Variants in CAPN14 observed in about 807,000 individuals in gnomAD.
CAPN14 encodes calpain-14.
CAPN14 carries 94 observed loss-of-function variants against 101.3 expected under a neutral mutation model. The observed-to-expected ratio is 0.93, with a 90% CI of 0.79 to 1.10. CAPN14 has a LOEUF of 1.10. Ranked by LOEUF, CAPN14 falls within the 50% of genes least tolerant of loss-of-function variation. The pLI is 0.00. For missense variants in CAPN14, 837 were observed against 828.4 expected (o/e 1.01, Z -0.13); for synonymous variants, 338 against 317.9 (o/e 1.06, Z -0.67).
chr2:31,203,987 T>C (rs1457274681), intron 2 of CAPN14, among the ~76,000 whole-genome samples: 1 of 152,196 alleles, frequency 6.6e-6, no homozygotes, highest in Non-Finnish European at 1.5e-5. Flanking sequence ...TGTAAAGTGA[T>C]TAATAGCTTC....
chr2:31,225,378 A>C (rs1682989938), intron 2 of CAPN14, among the ~76,000 whole-genome samples: 1 of 152,082 alleles, frequency 6.6e-6, no homozygotes, highest in Non-Finnish European at 1.5e-5. Flanking sequence ...GAGAGAAAAA[A>C]ATGTAGGAAC....
rs756964103 is a variant in CAPN14 at position 31,188,394 on chromosome 2, T to C, written c.1494-40A>G. On this transcript the variant is annotated intron_variant, in intron 13 of 21. Coordinates refer to ENST00000403897, the MANE Select transcript of CAPN14 (RefSeq NM_001145122.2). ...ACAAGAACAAACTCAGAGTTTCCTC[T>C]TGGGAATTTTTTGGCCAATCTTCCC... The C allele has an allele frequency of 4.5e-6, 7 of 1,548,844 alleles. No homozygotes were observed. In the South Asian group the frequency reaches 7.1e-5, roughly 16 times the overall value.
chr2:31,190,695 T>C (rs975525771), intron 12 of CAPN14, among the ~76,000 whole-genome samples: 1 of 152,216 alleles, frequency 6.6e-6, no homozygotes, highest in Non-Finnish European at 1.5e-5. Flanking sequence ...AATTTGAGAG[T>C]GTTCAGTATT....
upstream of CAPN14, among the ~76,000 whole-genome samples, chr2:31,220,801 G>A (rs781112739): frequency 2.6e-5 from 4 of 152,166 alleles, no homozygotes; most frequent in Non-Finnish European, 5.9e-5. Context: ...TAACTGACAA[G>A]TCATGCTATT....
intron 16 of CAPN14, 65 bp from the exon 17 acceptor site, chr2:31,181,065 A>T: frequency 7.4e-7 from 1 of 1,352,896 alleles, no homozygotes; most frequent in Non-Finnish European, 1.0e-6. Context: ...TTTTCTGAGC[A>T]GGAAGAGGCA....
intron 17 of CAPN14, among the ~76,000 whole-genome samples, chr2:31,178,780 T>C (rs1392582512): frequency 6.6e-6 from 1 of 151,920 alleles, no homozygotes; most frequent in Non-Finnish European, 1.5e-5. Flanking sequence ...AAAAACAGAA[T>C]GAGCCCAGAG....
At chr2:31,192,602 G>A (rs1193157476) in intron 10 of CAPN14, among the ~76,000 whole-genome samples, 1 of 152,134 alleles carries the variant, frequency 6.6e-6, no homozygotes. Flanking sequence ...TCTCCACAGT[G>A]GAGGAAGGGA....
chr2:31,231,193 A>C (rs1365248027), intron 1 of CAPN14, among the ~76,000 whole-genome samples: 2 of 151,294 alleles, frequency 1.3e-5, no homozygotes, highest in Non-Finnish European at 2.9e-5. Flanking sequence ...TGGAATATCT[A>C]AGCTTTTTTT....
At position 31,205,344 on chromosome 2, in the gene CAPN14, G is replaced by A; in HGVS notation, c.104C>T (p.Ala35Val). 6.4e-7 allele frequency: 1 copy of A among 1,551,350 alleles called. No individual in the cohort carries two copies. Among genetic ancestry groups the A allele is most frequent in the South Asian group, 1.2e-5 (1 of 84,034 alleles). ...GAGGCAGCCATTCCTCAGGCACTCTGCCAGCAGGGCCTCAAAGTCCTGTTG... is the reference window on the plus strand; with the variant it reads ...GAGGCAGCCATTCCTCAGGCACTCTACCAGCAGGGCCTCAAAGTCCTGTTG... ...QPQQDFEALL[A>V]ECLRNGCLFE... Residue 35 changes from alanine (A) to valine (V), a missense_variant, in exon 2 of 22, where the codon GCA becomes GTA. Coordinates refer to ENST00000403897, the MANE Select transcript of CAPN14 (RefSeq NM_001145122.2).
intron 3 of CAPN14, 122 bp downstream of exon 3, chr2:31,202,948 G>A (rs999637543): frequency 1.3e-6 from 1 of 748,884 alleles, no homozygotes; most frequent in Non-Finnish European, 2.2e-6. Context: ...CCAGTGAATA[G>A]CCATTTTGGG....
chr2:31,194,548 C>T (rs1280670760), intron 8 of CAPN14, 65 bp from the exon 9 acceptor site: 15 of 1,025,888 alleles, frequency 1.5e-5, no homozygotes, highest in East Asian at 7.8e-5. Flanking sequence ...AGTAAAGGCT[C>T]TATAGTGTCA....
intron 16 of CAPN14, among the ~76,000 whole-genome samples, chr2:31,183,827 C>T (rs1680775528): frequency 6.6e-6 from 1 of 150,910 alleles, no homozygotes; most frequent in South Asian, 2.1e-4. Flanking sequence ...TCTCTCCCTC[C>T]CTCTCTCCTT....
chr2:31,215,764 G>A (rs954975200), intron 1 of CAPN14, among the ~76,000 whole-genome samples: 4 of 150,002 alleles, frequency 2.7e-5, no homozygotes, highest in Middle Eastern at 6.8e-3. Context: ...TCTGATTAAC[G>A]CTACTCCAGA....
chr2:31,209,011 C>T (rs1682252253), intron 1 of CAPN14, among the ~76,000 whole-genome samples: 1 of 152,082 alleles, frequency 6.6e-6, no homozygotes, highest in African/African-American at 2.4e-5. Flanking sequence ...ACTCTGTCAC[C>T]CAAGCTGGAG....
At chr2:31,194,611 A>G in intron 8 of CAPN14, 128 bp from the exon 9 acceptor site, 1 of 655,736 alleles carries the variant, frequency 1.5e-6, no homozygotes, top group Non-Finnish European at 2.7e-6. Context: ...CCCATTCCAT[A>G]TTATACAGTA....
At chr2:31,195,339 T>C (rs929980237) in intron 8 of CAPN14, among the ~76,000 whole-genome samples, 1 of 152,158 alleles carries the variant, frequency 6.6e-6, no homozygotes, top group Non-Finnish European at 1.5e-5. Context: ...CTTTATTTAT[T>C]TATTCACTTA....
At chr2:31,200,381 G>T in intron 6 of CAPN14, 70 bp downstream of exon 6, 2 of 1,379,984 alleles carry the variant, frequency 1.4e-6, no homozygotes, top group Non-Finnish European at 9.9e-7. Flanking sequence ...CCAGGTGAGG[G>T]TAGTGGTGGT....
At chr2:31,184,902 T>C (rs1355631118) in intron 16 of CAPN14, among the ~76,000 whole-genome samples, 1 of 152,220 alleles carries the variant, frequency 6.6e-6, no homozygotes, top group Non-Finnish European at 1.5e-5. Context: ...AGAGGTCAAC[T>C]AAATTAACCA....
Position 31,201,989 on chromosome 2 carries a change from A to C in CAPN14, c.424T>G (p.Tyr142Asp). 1.3e-6 allele frequency: 2 copies of C among 1,551,692 alleles called. No homozygotes were observed. The highest frequency in any genetic ancestry group is 2.4e-5 in the East Asian group (1 of 40,906). Residue 142 changes from tyrosine (Y) to aspartate (D), a missense_variant, in exon 5 of 22, where the codon TAT becomes GAT. Coordinates refer to ENST00000403897, the MANE Select transcript of CAPN14 (RefSeq NM_001145122.2). ...AGIFRFWFWH[Y>D]GNWVPVVIDD... is the part of the protein sequence containing the mutation. The stretch of plus-strand genomic sequence containing the variant: ...ATCACCACAGGAACCCAGTTCCCAT[A>C]GTGCCAGAACTGGAGGGAGAGAGTG...
Sources: allele counts gnomAD v4.1 joint callset (sites outside exome capture counted in the v4.1 genomes callset), GRCh38; gene constraint gnomAD v4.1.1; transcripts MANE v1.5; gene names NCBI Gene and HGNC (gene_info 2026-07-23, HGNC 2026-07-21).